Variants in EBF4 observed in about 807,000 individuals in gnomAD.
EBF4 encodes the protein EBF transcription factor 4.
A neutral mutation model predicts 67.1 loss-of-function variants in EBF4; 34 were observed. That is an observed-to-expected ratio of 0.51 (90% CI 0.39 to 0.67). The LOEUF (loss-of-function observed/expected upper bound fraction) is 0.67, where lower values mean the gene tolerates loss of function less well. Ranked by LOEUF, EBF4 falls within the 30% of genes least tolerant of loss-of-function variation. The pLI is 0.00. For missense variants in EBF4, 837 were observed against 873.3 expected (o/e 0.96, Z 0.52); for synonymous variants, 387 against 377.7 (o/e 1.02, Z -0.29).
chr20:2,726,408 A>G (rs576854380), intron 6 of EBF4, among the ~76,000 whole-genome samples: 2 of 152,218 alleles, frequency 1.3e-5, no homozygotes, highest in African/African-American at 4.8e-5. Context: ...TGGTGAGACC[A>G]TGTCTCTACA....
At chr20:2,711,148 AAATAAT>A (rs144765250) in intron 6 of EBF4, among the ~76,000 whole-genome samples, 4,428 of 146,790 alleles carry the variant, frequency 0.03, 128 homozygotes, top group African/African-American at 0.074. Flanking sequence ...ACCCTGTCTA[AAATAAT>A]AATAATAATA....
Position 2,732,837 on chromosome 20 carries a change from C to CA in EBF4, c.558-15712_558-15711insA. ...TTCTTTTTCTTATTTTTTTTTGAGACGGAATTATAAAGAGTTCCCATATAT... is the reference window on the plus strand; with the variant it reads ...TTCTTTTTCTTATTTTTTTTTGAGACAGGAATTATAAAGAGTTCCCATATAT... On this transcript the variant is annotated intron_variant, in intron 6 of 16. Coordinates refer to ENST00000609451, the Ensembl canonical transcript of EBF4. Among the ~76,000 whole-genome samples, 2 of 151,154 alleles carry CA rather than the reference C, an allele frequency of 1.3e-5. 1 individual carries two copies. Among genetic ancestry groups the CA allele is most frequent in the South Asian group, 4.2e-4 (2 of 4,816 alleles).
At chr20:2,706,676 A>G (rs945045981) in intron 4 of EBF4, among the ~76,000 whole-genome samples, 1 of 152,154 alleles carries the variant, frequency 6.6e-6, no homozygotes, top group Non-Finnish European at 1.5e-5. Flanking sequence ...TGCACCCCGT[A>G]TCAATTAGTC....
chr20:2,750,038 G>C, intron 10 of EBF4, 65 bp downstream of exon 10: 1 of 1,487,226 alleles, frequency 6.7e-7, no homozygotes, highest in African/African-American at 1.4e-5. Flanking sequence ...CTGCGCACTG[G>C]TCTCCGTTCT....
intron 6 of EBF4, among the ~76,000 whole-genome samples, chr20:2,718,495 C>G (rs2087639598): frequency 6.6e-6 from 1 of 152,148 alleles, no homozygotes; most frequent in Non-Finnish European, 1.5e-5. Flanking sequence ...TCATTTCTTT[C>G]TGAGTGAGCT....
chr20:2,719,996 A>G (rs544686592), intron 6 of EBF4, among the ~76,000 whole-genome samples: 16 of 152,202 alleles, frequency 1.1e-4, no homozygotes, highest in Admixed American at 2.6e-4. Context: ...ATCACTGACC[A>G]TTATTGTACA....
chr20:2,749,972 A>G (rs1217521672), exon 10 of EBF4: 7 of 1,549,246 alleles, frequency 4.5e-6, no homozygotes, highest in Non-Finnish European at 6.1e-6. Flanking sequence ...TTGTCTACAC[A>G]GGTAAGGAGT....
chr20:2,754,990 G>A (rs1452475044), intron 14 of EBF4: 4 of 127,774 alleles, frequency 3.1e-5, no homozygotes, highest in Non-Finnish European at 1.7e-5. Context: ...ACAGGGCCCA[G>A]GCTGGAGATG....
intron 6 of EBF4, among the ~76,000 whole-genome samples, chr20:2,710,417 T>C (rs1261567391): frequency 6.6e-6 from 1 of 152,160 alleles, no homozygotes; most frequent in Non-Finnish European, 1.5e-5. Flanking sequence ...TCCAAAGTGC[T>C]GGGATTACAA....
chr20:2,727,694 A>G (rs556313604), intron 6 of EBF4, among the ~76,000 whole-genome samples: 136 of 152,282 alleles, frequency 8.9e-4, no homozygotes, highest in African/African-American at 3.2e-3. Flanking sequence ...AATCCCACCA[A>G]CAAAGTTTCC....
chr20:2,696,469 C>T lies in EBF4; in HGVS notation c.137+2687C>T, dbSNP rs907432501. ...CCTGGGCGGCAGAGTGAAACTGTGCCTCAAAAATAAATAAGTAAATAAATA... is the reference window on the plus strand; with the variant it reads ...CCTGGGCGGCAGAGTGAAACTGTGCTTCAAAAATAAATAAGTAAATAAATA... On this transcript the variant is annotated intron_variant, in intron 1 of 16. Transcript: ENST00000609451. This position sits in a 1 kb window ranked among gnomAD's most constrained non-coding sequence, Gnocchi z 4.7. 3.3e-5 allele frequency among the ~76,000 whole-genome samples: 5 copies of T among 151,846 alleles called. No individual in the cohort carries two copies. The highest frequency in any genetic ancestry group is 7.4e-5 in the Non-Finnish European group (5 of 67,980).
At chr20:2,711,696 G>C (rs1176243882) in intron 6 of EBF4, among the ~76,000 whole-genome samples, 4 of 152,152 alleles carry the variant, frequency 2.6e-5, no homozygotes, top group Non-Finnish European at 5.9e-5. Flanking sequence ...ATTAAGCAAT[G>C]ACCAAAATAG....
At chr20:2,708,018 C>T (rs766293341) in exon 5 of EBF4, 4 of 1,607,694 alleles carry the variant, frequency 2.5e-6, no homozygotes, top group Non-Finnish European at 3.4e-6. Flanking sequence ...AGATCATGTG[C>T]AGGTGAGATG....
At chr20:2,754,890 A>C (rs1235612381) in intron 14 of EBF4, among the ~76,000 whole-genome samples, 1 of 151,498 alleles carries the variant, frequency 6.6e-6, no homozygotes, top group African/African-American at 2.4e-5. Context: ...AGGGAGTTTG[A>C]GAGCAGGAAG....
intron 12 of EBF4, 37 bp downstream of exon 12, chr20:2,752,024 G>C (rs1347438791): frequency 1.2e-5 from 18 of 1,525,234 alleles, no homozygotes; most frequent in South Asian, 9.8e-5. Context: ...CGCCGGGACC[G>C]GGGCCCCCCA....
rs929930551 is a variant in EBF4, at chr20:2,756,797, CAG to C, written c.1738+976_1738+977del. Among the ~76,000 whole-genome samples, 73 of 152,308 alleles carry C rather than the reference CAG, an allele frequency of 4.8e-4. No homozygotes were observed. Among genetic ancestry groups the C allele is most frequent in the African/African-American group, 1.7e-3 (69 of 41,580 alleles). ...CCAAGACAATAATGGGTCAGAGCAA[CAG>C]AGCATTAGGAAAGAATCAGTGTTGA... is the stretch of plus-strand genomic sequence containing the variant. On this transcript the variant is annotated intron_variant, in intron 15 of 16. Transcript: ENST00000609451. The surrounding 1 kb of genome is among the most constrained non-coding windows in gnomAD (Gnocchi z 4.5).
chr20:2,750,090 C>A (rs952247370), intron 10 of EBF4, 117 bp downstream of exon 10: 56 of 1,396,936 alleles, frequency 4.0e-5, no homozygotes, highest in Non-Finnish European at 4.4e-5. Flanking sequence ...TGGCCACGAC[C>A]CCTAGACGGC....
In EBF4 at chr20:2,755,748, C is replaced by T. The variant is rs777158035; in HGVS notation, c.1662C>T (p.Ser554=). ...TGATCTCCGCCGTCAAACAGAGGAG[C>T]GCCTTCGCCCCCGTGCTGCGCCCCC... The change falls in exon 15 of 17, where the codon AGC becomes AGT. Residue 554 remains serine, a synonymous_variant. Transcript: ENST00000609451. This position sits in a 1 kb window ranked among gnomAD's most constrained non-coding sequence, Gnocchi z 4.7. 1.4e-5 allele frequency: 21 copies of T among 1,550,794 alleles called. No individual in the cohort carries two copies. The highest frequency in any genetic ancestry group is 8.2e-5 in the African/African-American group (6 of 73,026).
chr20:2,750,507 CCT>C (rs1227595243), intron 10 of EBF4, among the ~76,000 whole-genome samples: 3 of 152,006 alleles, frequency 2.0e-5, no homozygotes, highest in African/African-American at 7.3e-5. Flanking sequence ...AACCCCCCAG[CCT>C]GGCTCTATTT....
Sources: gnomAD v4.1 joint callset for allele counts (sites outside exome capture counted in the v4.1 genomes callset) on GRCh38, gnomAD v4.1.1 for gene constraint, Gnocchi (gnomAD v3.1) non-coding constraint, MANE v1.5 for transcripts, NCBI Gene and HGNC (gene_info 2026-07-23, HGNC 2026-07-21) for gene names.